Variants in ARHGAP21 observed in about 807,000 individuals in gnomAD.
The protein encoded by ARHGAP21 is rho GTPase-activating protein 21.
In ARHGAP21, 38 loss-of-function variants were observed where a neutral mutation model predicts 164.6. The observed-to-expected ratio is 0.23, with a 90% CI of 0.18 to 0.30. The LOEUF (loss-of-function observed/expected upper bound fraction) is 0.30. Ranked by LOEUF, ARHGAP21 falls within the 10% of genes least tolerant of loss-of-function variation. The probability of loss-of-function intolerance (pLI) is 1.00; values close to 1 mark genes in which losing one functional copy is unlikely to be tolerated. For synonymous variants in ARHGAP21, 766 were observed against 857.9 expected (o/e 0.89, Z 1.87); for missense variants, 1,822 against 2,370.7 (o/e 0.77, Z 4.81).
At chr10:24,650,907 T>C (rs1486064706) in intron 4 of ARHGAP21, among the ~76,000 whole-genome samples, 1 of 151,628 alleles carries the variant, frequency 6.6e-6, no homozygotes, top group South Asian at 2.1e-4. Flanking sequence ...TCCAAAGTAA[T>C]GGCTGAGAGA....
Position 24,586,208 on chromosome 10 carries a change from C to A in ARHGAP21, c.4183-102G>T, listed in dbSNP as rs1592905835. ...AATATTTCTTATCAAATTATATCTA[C>A]TAAAGCTCTGGAAGCATTAACAGTG... On this transcript the variant is annotated intron_variant, in intron 25 of 25. Transcript: ENST00000396432. 2.9e-6 allele frequency: 4 copies of A among 1,376,720 alleles called. No individual in the cohort carries two copies. In the South Asian group the frequency reaches 6.4e-5, roughly 22 times the overall value. 85.3% of individuals were successfully genotyped at this position (1,376,720 alleles called of 1,614,324 possible). A position where few individuals can be genotyped will look rare whatever the true frequency, so the allele number is the denominator to read the frequency against.
rs138882131 is a variant in ARHGAP21, at chr10:24,645,379, G to C, written c.269-10276C>G. Among the ~76,000 whole-genome samples the C allele has an allele frequency of 9.7e-3, 1,472 of 152,114 alleles. 29 individuals are homozygous for C. Among genetic ancestry groups the C allele is most frequent in the African/African-American group, 0.034 (1,421 of 41,464 alleles). Reference sequence around the variant, plus strand: ...GTTGATCACCTGCAGTCAGGAGATTGAGACCAGCCTGGCCAACATGGTGAA... The same window carrying C: ...GTTGATCACCTGCAGTCAGGAGATTCAGACCAGCCTGGCCAACATGGTGAA... On this transcript the variant is annotated intron_variant, in intron 4 of 25. Coordinates refer to ENST00000396432, the MANE Select transcript of ARHGAP21 (RefSeq NM_020824.4).
At chr10:24,592,156 ATTT>A (rs57846258) in intron 21 of ARHGAP21, 144 bp from the exon 22 acceptor site, 14,071 of 211,564 alleles carry the variant, frequency 0.067, no homozygotes, top group South Asian at 0.089. Flanking sequence ...TTCTAGCAAG[ATTT>A]TTTTTTTTTT....
intron 7 of ARHGAP21, among the ~76,000 whole-genome samples, chr10:24,627,306 T>C (rs1835233173): frequency 6.6e-6 from 1 of 152,184 alleles, no homozygotes; most frequent in Non-Finnish European, 1.5e-5. Flanking sequence ...AACAAATACA[T>C]CTTTAAAAGC....
intron 16 of ARHGAP21, among the ~76,000 whole-genome samples, chr10:24,597,132 T>C (rs2076619944): frequency 6.6e-6 from 1 of 152,034 alleles, no homozygotes; most frequent in Admixed American, 6.5e-5. Context: ...ATCTTTATAG[T>C]GAGACTTCAA....
chr10:24,708,633 T>C (rs1486685933), intron 2 of ARHGAP21, among the ~76,000 whole-genome samples: 2 of 152,212 alleles, frequency 1.3e-5, no homozygotes, highest in African/African-American at 4.8e-5. Context: ...TCTACACCCA[T>C]GTGTACAAAT....
At chr10:24,672,516 C>A (rs975799842) in intron 2 of ARHGAP21, among the ~76,000 whole-genome samples, 1 of 152,146 alleles carries the variant, frequency 6.6e-6, no homozygotes, top group East Asian at 1.9e-4. Flanking sequence ...GCAAATTATT[C>A]CCAAATCTGT....
At chr10:24,661,150 TTTATA>T (rs1162118743) in intron 4 of ARHGAP21, among the ~76,000 whole-genome samples, 2 of 149,534 alleles carry the variant, frequency 1.3e-5, no homozygotes, top group Non-Finnish European at 3.0e-5. Context: ...TTGTTATATA[TTTATA>T]TTATAAATTA....
intron 2 of ARHGAP21, among the ~76,000 whole-genome samples, chr10:24,696,155 C>G (rs775560341): frequency 5.9e-5 from 9 of 152,188 alleles, no homozygotes; most frequent in Non-Finnish European, 1.3e-4. Context: ...AGTGATCCCT[C>G]AAAAAGAGGA....
In ARHGAP21 at chr10:24,601,925, ATT is replaced by A; in HGVS notation, c.2847+51_2847+52del. The stretch of plus-strand genomic sequence containing the variant: ...TTTATGTATACAGGCTTTATGGTTT[ATT>A]TGTCAGGGTCTGCATTTCTGACACT... On this transcript the variant is annotated intron_variant, in intron 13 of 25. Transcript: ENST00000396432. 3.5e-6 allele frequency: 5 copies of A among 1,440,352 alleles called. No individual in the cohort carries two copies. In the South Asian group the frequency reaches 8.5e-5, roughly 24 times the overall value. The allele number at this position is 1,440,352 out of a possible 1,614,324, so 89.2% of individuals were successfully genotyped here. A position where few individuals can be genotyped will look rare whatever the true frequency, so the allele number is the denominator to read the frequency against.
In ARHGAP21 at chr10:24,585,634, G is replaced by A. The variant is rs376399364; in HGVS notation, c.4655C>T (p.Thr1552Met). ...TGSDSGTLLS[T>M]SSQASLARFS... Reference sequence around the variant, plus strand: ...CCTTGCCAGGGAGGCCTGGGAAGACGTGCTGAGCAAAGTGCCAGAGTCAGA... The same window carrying A: ...CCTTGCCAGGGAGGCCTGGGAAGACATGCTGAGCAAAGTGCCAGAGTCAGA... Residue 1552 changes from threonine (T) to methionine (M), a missense_variant, in exon 26 of 26, where the codon ACG (threonine) becomes ATG (methionine). Transcript: ENST00000396432. The A allele has an allele frequency of 2.0e-5, 32 of 1,614,182 alleles. No individual in the cohort carries two copies. In the African/African-American group the frequency reaches 2.0e-4, roughly 10 times the overall value.
intron 7 of ARHGAP21, among the ~76,000 whole-genome samples, chr10:24,625,299 GAAA>G (rs34935501): frequency 3.7e-5 from 2 of 53,798 alleles, no homozygotes; most frequent in Non-Finnish European, 6.8e-5. Context: ...ATGAAACAGA[GAAA>G]AAAAAAAAAA....
intron 4 of ARHGAP21, among the ~76,000 whole-genome samples, chr10:24,665,690 G>A (rs192085668): frequency 6.3e-4 from 96 of 152,270 alleles, no homozygotes; most frequent in Admixed American, 5.5e-3. Context: ...GTGATTTCAC[G>A]GGTTATACAG....
chr10:24,708,002 CT>C (rs1323301479), intron 2 of ARHGAP21, among the ~76,000 whole-genome samples: 1 of 152,150 alleles, frequency 6.6e-6, no homozygotes, highest in East Asian at 1.9e-4. Context: ...AAGTATGTTC[CT>C]ACTTGTTTTA....
rs375685191 is a variant in ARHGAP21, at chr10:24,600,876, G to A, written c.2902C>T (p.His968Tyr). 8.1e-6 allele frequency: 13 copies of A among 1,614,036 alleles called. No homozygotes were observed. Among genetic ancestry groups the A allele is most frequent in the Non-Finnish European group, 9.3e-6 (11 of 1,179,986 alleles). The change falls in exon 14 of 26, where the codon CAT becomes TAT. Residue 968 changes from histidine to tyrosine, a missense_variant. Around this residue, in one of 5 missense-constraint regions of ARHGAP21, gnomAD observed 1,090 missense variants for 1,378.9 expected, o/e 0.79. Coordinates refer to ENST00000396432, the MANE Select transcript of ARHGAP21 (RefSeq NM_020824.4). Reference protein sequence around the residue: ...WKQMYVVLRGHSLYLYKDKRE... With the variant: ...WKQMYVVLRGYSLYLYKDKRE... ...TTATCTTTGTACAGGTAAAGTGAAT[G>A]ACCCCGAAGGACAACATACATCTGT... is the stretch of plus-strand genomic sequence containing the variant.
At chr10:24,721,774 T>A (rs529075040) in intron 2 of ARHGAP21, 63 bp downstream of exon 2, 125 of 1,591,222 alleles carry the variant, frequency 7.9e-5, no homozygotes, top group Non-Finnish European at 1.0e-4. Context: ...AACCCCCAAC[T>A]TGCAGGACGC....
intron 9 of ARHGAP21, among the ~76,000 whole-genome samples, chr10:24,608,387 C>T (rs1416603262): frequency 6.6e-6 from 1 of 152,136 alleles, no homozygotes; most frequent in East Asian, 1.9e-4. Context: ...TTTGAAAAGA[C>T]AAAGTCCAGT....
At chr10:24,627,640 T>C (rs1254999301) in intron 7 of ARHGAP21, among the ~76,000 whole-genome samples, 1 of 152,182 alleles carries the variant, frequency 6.6e-6, no homozygotes, top group African/African-American at 2.4e-5. Context: ...AACTGGTTTT[T>C]CTCTGTCTCT....
intron 15 of ARHGAP21, 137 bp from the exon 16 acceptor site, chr10:24,597,720 T>C: frequency 3.0e-6 from 4 of 1,336,640 alleles, no homozygotes; most frequent in South Asian, 2.9e-5. Context: ...GCTTTCAATT[T>C]TGTAGTCCTG....
Sources: allele counts gnomAD v4.1 joint callset (sites outside exome capture counted in the v4.1 genomes callset), GRCh38; gene constraint gnomAD v4.1.1; regional missense constraint gnomAD v4.1.1; transcripts MANE v1.5; gene names NCBI Gene and HGNC (gene_info 2026-07-23, HGNC 2026-07-21).